The following C6orf52 variants were observed in gnomAD, a reference collection of about 807,000 sequenced individuals.
C6orf52 encodes putative uncharacterized protein C6orf52.
In C6orf52, 16 loss-of-function variants were observed where a neutral mutation model predicts 16.6. That is an observed-to-expected ratio of 0.96 (90% CI 0.65 to 1.46). The LOEUF (loss-of-function observed/expected upper bound fraction) is 1.46, where lower values mean the gene tolerates loss of function less well. Ranked by LOEUF, C6orf52 falls within the 40% of genes most tolerant of loss-of-function variation. The probability of loss-of-function intolerance (pLI) is 0.00; values close to 1 mark genes in which losing one functional copy is unlikely to be tolerated. For missense variants in C6orf52, 166 were observed against 182.3 expected (o/e 0.91, Z 0.52); for synonymous variants, 53 against 61.4 (o/e 0.86, Z 0.64).
At position 10,687,130 on chromosome 6, in the gene C6orf52, G is replaced by A. The variant is rs1223471623; in HGVS notation, c.106C>T (p.Gln36Ter). 3 of 1,551,426 alleles carry A rather than the reference G, an allele frequency of 1.9e-6. No individual in the cohort carries two copies. In the East Asian group the frequency reaches 7.3e-5, roughly 38 times the overall value. The change falls in exon 3 of 5, where the codon CAG becomes TAG. Residue 36 changes from glutamine (Q) to a stop codon, truncating the protein, a stop_gained. Coordinates refer to ENST00000259983, the MANE Select transcript of C6orf52 (RefSeq NM_001145020.3). LOFTEE classifies it high-confidence loss of function. ...CCATAGCGGTAACTCTGGCTGGGCTGGAACTCCTGCTTCACTCTAATAGCA... is the reference window on the plus strand; with the variant it reads ...CCATAGCGGTAACTCTGGCTGGGCTAGAACTCCTGCTTCACTCTAATAGCA... ...PSAIRVKQEF[Q>*]PSQSYRYGNW...
rs557570503 is a variant in C6orf52 at position 10,677,618 on chromosome 6, G to A, written c.316+5569C>T. On this transcript the variant is annotated intron_variant, in intron 4 of 4. Coordinates refer to ENST00000259983, the MANE Select transcript of C6orf52 (RefSeq NM_001145020.3). ...GCCACCTTGGCTCACTCTAACCTCCGCCTCCCGGGTTCCAGCAATTCTCCC... is the reference window on the plus strand; with the variant it reads ...GCCACCTTGGCTCACTCTAACCTCCACCTCCCGGGTTCCAGCAATTCTCCC... Among the ~76,000 whole-genome samples, 5 of 150,760 alleles carry A rather than the reference G, an allele frequency of 3.3e-5. No homozygotes were observed. The East Asian group carries it at 5.9e-4, about 18-fold the overall frequency.
intron 4 of C6orf52, among the ~76,000 whole-genome samples, chr6:10,679,354 C>T (rs972149823): frequency 6.6e-6 from 1 of 150,520 alleles, no homozygotes; most frequent in Non-Finnish European, 1.5e-5. Flanking sequence ...GCAGAAGAAT[C>T]GCTTGAACCC....
chr6:10,685,573 G>C (rs1399780519), intron 3 of C6orf52, among the ~76,000 whole-genome samples: 1 of 152,192 alleles, frequency 6.6e-6, no homozygotes, highest in Non-Finnish European at 1.5e-5. Flanking sequence ...CTGCATATTA[G>C]GAGACAAGCT....
At chr6:10,690,321 C>A (rs1405543264) in intron 1 of C6orf52, among the ~76,000 whole-genome samples, 1 of 152,106 alleles carries the variant, frequency 6.6e-6, no homozygotes, top group Non-Finnish European at 1.5e-5. Context: ...TCAGGTGAAG[C>A]AAATTTCTAT....
chr6:10,689,780 C>T (rs747920782), intron 1 of C6orf52, among the ~76,000 whole-genome samples: 13 of 152,146 alleles, frequency 8.5e-5, no homozygotes, highest in Non-Finnish European at 1.8e-4. Flanking sequence ...ATACTGGGAT[C>T]CAAGACAGAA....
At chr6:10,679,944 T>C (rs556182858) in intron 4 of C6orf52, among the ~76,000 whole-genome samples, 1 of 152,350 alleles carries the variant, frequency 6.6e-6, no homozygotes, top group South Asian at 2.1e-4. Context: ...TTTTGTCAAA[T>C]GATTTTTCTG....
intron 4 of C6orf52, among the ~76,000 whole-genome samples, chr6:10,677,535 C>CTT (rs1234186411): frequency 7.4e-6 from 1 of 135,686 alleles, no homozygotes. Flanking sequence ...TCATTTTTTT[C>CTT]TTTTTTTTTT....
Position 10,686,982 on chromosome 6 carries a change from G to A in C6orf52, c.254C>T (p.Thr85Ile), listed in dbSNP as rs1048825824. ...AAGGGATACCTTAGGCATAACCAGA[G>A]TTCCAGCTGTGTGTTCAGGGGTCTC... is the stretch of plus-strand genomic sequence containing the variant. ...AHETPEHTAG[T>I]LVMPKETTPL... The change falls in exon 3 of 5, where the codon ACT (threonine) becomes ATT (isoleucine). Residue 85 changes from threonine (T) to isoleucine (I), a missense_variant. Transcript: ENST00000259983. 79 of 1,549,114 alleles carry A rather than the reference G, an allele frequency of 5.1e-5. No individual in the cohort carries two copies. The highest frequency in any genetic ancestry group is 6.7e-5 in the Non-Finnish European group (77 of 1,145,930).
At chr6:10,683,153 GT>G in intron 4 of C6orf52, 33 bp downstream of exon 4, 1 of 1,457,656 alleles carries the variant, frequency 6.9e-7, no homozygotes, top group South Asian at 1.3e-5. Context: ...ATGGGGTTTT[GT>G]TTCCAACCAC....
At chr6:10,674,760 G>A (rs1354185306) in intron 4 of C6orf52, 1 of 149,256 alleles carries the variant, frequency 6.7e-6, no homozygotes, top group East Asian at 2.0e-4. Flanking sequence ...CACTACCTTC[G>A]AATTAGCCTG....
chr6:10,687,158 G>C lies in C6orf52; in HGVS notation c.78C>G (p.Pro26=), dbSNP rs1011125634. ...ACTCCTGCTTCACTCTAATAGCAGA[G>C]GGGAGACTACAGGAATGACAATCAT... ...NNYYCYWQSL[P]SAIRVKQEFQ... is the part of the protein sequence containing the mutation. The change falls in exon 3 of 5, where the codon CCC becomes CCG. Residue 26 remains proline, a synonymous_variant. Coordinates refer to ENST00000259983, the MANE Select transcript of C6orf52 (RefSeq NM_001145020.3). 2 of 1,547,162 alleles carry C rather than the reference G, an allele frequency of 1.3e-6. No homozygotes were observed. Among genetic ancestry groups the C allele is most frequent in the African/African-American group, 2.7e-5 (2 of 72,860 alleles).
upstream of C6orf52, chr6:10,694,616 CG>C: frequency 5.0e-6 from 1 of 199,704 alleles, no homozygotes; most frequent in South Asian, 7.3e-5. Context: ...GGCCGGAAGT[CG>C]GCCCCACCTC....
rs1768715238 is a variant in C6orf52 at position 10,684,769 on chromosome 6, C to T, written c.271-1537G>A. Reference sequence around the variant, plus strand: ...TGGGGGAAGCAGGGAATGACTAGGACATCTTGGCAAGGACACACGTTATTG... The same window carrying T: ...TGGGGGAAGCAGGGAATGACTAGGATATCTTGGCAAGGACACACGTTATTG... On this transcript the variant is annotated intron_variant, in intron 3 of 4. Coordinates refer to ENST00000259983, the MANE Select transcript of C6orf52 (RefSeq NM_001145020.3). 3.7e-6 allele frequency: 3 copies of T among 802,468 alleles called. No homozygotes were observed. The South Asian group carries it at 4.2e-5, about 11-fold the overall frequency. The allele number at this position is 802,468 out of a possible 1,614,324, so 49.7% of individuals were successfully genotyped here. A position where few individuals can be genotyped will look rare whatever the true frequency, so the allele number is the denominator to read the frequency against.
intron 1 of C6orf52, 30 bp from the exon 2 acceptor site, chr6:10,687,591 T>C: frequency 7.2e-7 from 1 of 1,392,530 alleles, no homozygotes. Context: ...AATCCAGTTT[T>C]TATTCCTGCG....
intron 4 of C6orf52, among the ~76,000 whole-genome samples, chr6:10,676,569 G>C (rs1767900859): frequency 6.6e-6 from 1 of 152,210 alleles, no homozygotes; most frequent in Admixed American, 6.5e-5. Flanking sequence ...GTGCAGTAAG[G>C]AGCGGACAAG....
chr6:10,677,614 C>T (rs1054042126), intron 4 of C6orf52, among the ~76,000 whole-genome samples: 33 of 151,840 alleles, frequency 2.2e-4, no homozygotes, highest in Non-Finnish European at 2.1e-4. Context: ...TCACTCTAAC[C>T]TCCGCCTCCC....
At chr6:10,677,526 C>A (rs1275174353) in intron 4 of C6orf52, among the ~76,000 whole-genome samples, 1 of 149,404 alleles carries the variant, frequency 6.7e-6, no homozygotes, top group Non-Finnish European at 1.5e-5. Flanking sequence ...ATTATAGTAT[C>A]ATTTTTTTCT....
At chr6:10,680,033 A>G (rs1768237621) in intron 4 of C6orf52, among the ~76,000 whole-genome samples, 1 of 152,212 alleles carries the variant, frequency 6.6e-6, no homozygotes, top group Non-Finnish European at 1.5e-5. Context: ...CAGGCAGATC[A>G]CCTGAGCTCA....
At chr6:10,692,721 CAT>C (rs1769448081) in intron 1 of C6orf52, among the ~76,000 whole-genome samples, 1 of 152,008 alleles carries the variant, frequency 6.6e-6, no homozygotes, top group South Asian at 2.1e-4. Context: ...TGCGTCTGGC[CAT>C]TTTATTTTAT....
Sources: allele counts gnomAD v4.1 joint callset (sites outside exome capture counted in the v4.1 genomes callset), GRCh38; gene constraint gnomAD v4.1.1; transcripts MANE v1.5; gene names NCBI Gene and HGNC (gene_info 2026-07-23, HGNC 2026-07-21).